ALDH1L2: variants seen among roughly 807,000 people sequenced by gnomAD.
The protein encoded by ALDH1L2 is mitochondrial 10-formyltetrahydrofolate dehydrogenase.
In ALDH1L2, 91 loss-of-function variants were observed where a neutral mutation model predicts 111.0. That is an observed-to-expected ratio of 0.82 (90% CI 0.69 to 0.98). The LOEUF is 0.98. ALDH1L2 is among the 50% of genes least tolerant of loss of function. The pLI is 0.00. For synonymous variants in ALDH1L2, 374 were observed against 392.6 expected (o/e 0.95, Z 0.56); for missense variants, 995 against 1,126.8 (o/e 0.88, Z 1.67).
At position 105,030,289 on chromosome 12, in the gene ALDH1L2, C is replaced by G. The variant is rs375482807; in HGVS notation, c.2516+35G>C. On this transcript the variant is annotated intron_variant, in intron 21 of 22. Coordinates refer to ENST00000258494, the MANE Select transcript of ALDH1L2 (RefSeq NM_001034173.4). Reference sequence around the variant, plus strand: ...AAAGGGGAAAAATGACTTATCTAGTCAAAACCTAAGTTACATTGTGTCTGA... The same window carrying G: ...AAAGGGGAAAAATGACTTATCTAGTGAAAACCTAAGTTACATTGTGTCTGA... 1.9e-6 allele frequency: 3 copies of G among 1,573,388 alleles called. No individual in the cohort carries two copies. In the African/African-American group the frequency reaches 4.1e-5, roughly 21 times the overall value.
intron 19 of ALDH1L2, among the ~76,000 whole-genome samples, chr12:105,032,224 C>T (rs1453777650): frequency 1.5e-5 from 2 of 136,930 alleles, no homozygotes; most frequent in Non-Finnish European, 3.1e-5. Context: ...GTTGCCCAGG[C>T]TGGAGTACAA....
intron 7 of ALDH1L2, 107 bp from the exon 8 acceptor site, chr12:105,061,859 A>C: frequency 1.5e-6 from 2 of 1,336,726 alleles, no homozygotes; most frequent in Non-Finnish European, 2.1e-6. Context: ...GGGCAAGTTT[A>C]TTTGGAAAAA....
Position 105,061,619 on chromosome 12 carries a change from G to A in ALDH1L2, c.1047+8C>T, listed in dbSNP as rs1447928105. 2 of 1,614,064 alleles carry A rather than the reference G, an allele frequency of 1.2e-6. No individual in the cohort carries two copies. Among genetic ancestry groups the A allele is most frequent in the Non-Finnish European group, 1.7e-6 (2 of 1,179,976 alleles). On this transcript the variant is annotated splice_region_variant and intron_variant, in intron 8 of 22. Coordinates refer to ENST00000258494, the MANE Select transcript of ALDH1L2 (RefSeq NM_001034173.4). The stretch of plus-strand genomic sequence containing the variant: ...GTAACAGTAAGATTTAAGTCATCAT[G>A]TGTTCACCTTGATGGTCTCTGCCAC...
At chr12:105,052,348 T>G (rs1381307657) in intron 11 of ALDH1L2, 131 bp from the exon 12 acceptor site, 4 of 934,136 alleles carry the variant, frequency 4.3e-6, no homozygotes, top group South Asian at 2.4e-5. Context: ...AATGAGTATA[T>G]CTAGTACTAC....
In ALDH1L2 at chr12:105,071,259, A is replaced by G. The variant is rs145969266; in HGVS notation, c.194-455T>C. ...GACCAGAACACATTCTCCCTGCCAA[A>G]CAGGCAGATCCCAAAAGATGAAGAG... On this transcript the variant is annotated intron_variant, in intron 2 of 22. Coordinates refer to ENST00000258494, the MANE Select transcript of ALDH1L2 (RefSeq NM_001034173.4). Among the ~76,000 whole-genome samples, 311 of 152,326 alleles carry G rather than the reference A, an allele frequency of 2.0e-3. 1 individual carries two copies. The highest frequency in any genetic ancestry group is 1.7e-3 in the Non-Finnish European group (116 of 68,028).
chr12:105,027,662 A>G (rs751672947), intron 21 of ALDH1L2, among the ~76,000 whole-genome samples: 11 of 152,242 alleles, frequency 7.2e-5, no homozygotes, highest in Non-Finnish European at 1.5e-4. Context: ...TGCCTGGAAC[A>G]CAATAAATGT....
intron 15 of ALDH1L2, among the ~76,000 whole-genome samples, chr12:105,046,219 ATATTTTTTTTTTTTTTTT>A (rs1270908588): frequency 1.1e-4 from 3 of 27,402 alleles, no homozygotes; most frequent in African/African-American, 5.0e-4. Flanking sequence ...ATATATATAT[ATATTTTTTTTTTTTTTTT>A]TTTTTTTTTT....
chr12:105,050,179 T>A, intron 12 of ALDH1L2, 121 bp from the exon 13 acceptor site: 1 of 939,616 alleles, frequency 1.1e-6, no homozygotes, highest in Non-Finnish European at 1.5e-6. Flanking sequence ...ATCTCTGCCC[T>A]TATAGAGATC....
At chr12:105,035,913 T>A (rs1404377849) in intron 18 of ALDH1L2, among the ~76,000 whole-genome samples, 3 of 84,246 alleles carry the variant, frequency 3.6e-5, no homozygotes, top group African/African-American at 1.6e-4. Flanking sequence ...GTATATATAT[T>A]ATATATATAC....
rs1466109181 is a variant in ALDH1L2, at chr12:105,031,933, A to T, written c.2246T>A (p.Val749Glu). ...SIHDEFVTRV[V>E]EEIKKMKIGD... is the part of the protein sequence containing the mutation. ...AATTTTCATCTTTTTAATTTCTTCT[A>T]CCTGTATGTTACCCAGTCCATAAAA... is the stretch of plus-strand genomic sequence containing the variant. Residue 749 changes from valine (V) to glutamate (E), a missense_variant and splice_region_variant, in exon 20 of 23, where the codon GTA (valine) becomes GAA (glutamate). Coordinates refer to ENST00000258494, the MANE Select transcript of ALDH1L2 (RefSeq NM_001034173.4). 5.6e-6 allele frequency: 9 copies of T among 1,613,738 alleles called. No homozygotes were observed. The highest frequency in any genetic ancestry group is 7.6e-6 in the Non-Finnish European group (9 of 1,179,926).
chr12:105,069,297 G>C (rs980691325), intron 3 of ALDH1L2, among the ~76,000 whole-genome samples: 2 of 152,196 alleles, frequency 1.3e-5, no homozygotes, highest in Admixed American at 1.3e-4. Context: ...AGGATACTCT[G>C]TGAAGGACAG....
intron 1 of ALDH1L2, among the ~76,000 whole-genome samples, chr12:105,078,850 T>C (rs1878201013): frequency 6.6e-6 from 1 of 152,074 alleles, no homozygotes; most frequent in Non-Finnish European, 1.5e-5. Context: ...GGGAGAGGCT[T>C]GGGAAGTTCC....
intron 10 of ALDH1L2, among the ~76,000 whole-genome samples, chr12:105,055,608 T>C (rs1400805304): frequency 6.6e-6 from 1 of 152,154 alleles, no homozygotes; most frequent in African/African-American, 2.4e-5. Flanking sequence ...AGCCTAGACA[T>C]TGGATTTGCT....
intron 6 of ALDH1L2, among the ~76,000 whole-genome samples, chr12:105,063,665 G>T (rs1441120567): frequency 6.6e-6 from 1 of 151,840 alleles, no homozygotes. Context: ...GTAGGGTTTG[G>T]GTGGGTGGGG....
intron 12 of ALDH1L2, among the ~76,000 whole-genome samples, chr12:105,050,940 C>T (rs1876221962): frequency 6.6e-6 from 1 of 152,142 alleles, no homozygotes; most frequent in African/African-American, 2.4e-5. Flanking sequence ...GGTGGGGACA[C>T]AGCCAAATCA....
At chr12:105,073,390 A>T (rs2136109202) in intron 2 of ALDH1L2, among the ~76,000 whole-genome samples, 1 of 151,116 alleles carries the variant, frequency 6.6e-6, no homozygotes, top group South Asian at 2.1e-4. Flanking sequence ...CATGAGCCCA[A>T]ATGGCCATGA....
At chr12:105,071,198 A>T (rs1327311177) in intron 2 of ALDH1L2, among the ~76,000 whole-genome samples, 1 of 152,230 alleles carries the variant, frequency 6.6e-6, no homozygotes. Flanking sequence ...CTAGAAAGCC[A>T]TGAAACTCTT....
chr12:105,068,577 C>T, intron 4 of ALDH1L2, 142 bp downstream of exon 4: 1 of 790,366 alleles, frequency 1.3e-6, no homozygotes, highest in African/African-American at 1.8e-5. Flanking sequence ...AATATACCAT[C>T]CCATTAGTTA....
chr12:105,030,428 G>A lies in ALDH1L2; in HGVS notation c.2412C>T (p.Gly804=). 1 of 1,601,344 alleles carries A rather than the reference G, an allele frequency of 6.2e-7. No individual in the cohort carries two copies. Among genetic ancestry groups the A allele is most frequent in the Non-Finnish European group, 8.5e-7 (1 of 1,174,036 alleles). The change falls in exon 21 of 23, where the codon GGC becomes GGT. Residue 804 remains glycine (G), a splice_region_variant and synonymous_variant. Coordinates refer to ENST00000258494, the MANE Select transcript of ALDH1L2 (RefSeq NM_001034173.4). ...TGAACACGGTCGGCTCCATGAAAAA[G>A]CCTTTTTGGAAAAAACAAAGAAAAA... ...VYGGRQVQRP[G]FFMEPTVFTD... is the part of the protein sequence containing the mutation.
Sources: allele counts gnomAD v4.1 joint callset (sites outside exome capture counted in the v4.1 genomes callset), GRCh38; gene constraint gnomAD v4.1.1; transcripts MANE v1.5; gene names NCBI Gene and HGNC (gene_info 2026-07-23, HGNC 2026-07-21).